The following EYS variants were observed in gnomAD, a reference collection of about 807,000 sequenced individuals.
EYS encodes protein eyes shut homolog.
Under a neutral mutation model 282.1 loss-of-function variants are expected in EYS, and 250 were observed. The ratio of observed to expected loss-of-function variants is 0.89; its 90% confidence interval spans 0.80 to 0.98. The LOEUF is 0.98. Among genes scored for constraint, EYS ranks in the 50% least tolerant of loss-of-function variants. EYS has a pLI of 0.00. For synonymous variants in EYS, 1,355 were observed against 1,282.9 expected, an observed-to-expected ratio of 1.06 and a Z score of -1.20; for missense variants, 4,016 against 3,709.0, an observed-to-expected ratio of 1.08 and a Z score of -2.15.
At chr6:64,362,436 C>G (rs1772048282) in intron 29 of EYS, among the ~76,000 whole-genome samples, 2 of 151,608 alleles carry the variant, frequency 1.3e-5, no homozygotes, top group Non-Finnish European at 1.5e-5. Flanking sequence ...TTCTTTCTTT[C>G]CAAAAGTAGA....
chr6:65,347,743 CT>C (rs1770455932), intron 9 of EYS, among the ~76,000 whole-genome samples: 1 of 151,584 alleles, frequency 6.6e-6, no homozygotes, highest in African/African-American at 2.4e-5. Flanking sequence ...CAATTATATT[CT>C]TTTAATTACT....
chr6:63,922,378 C>T (rs1368310439), intron 35 of EYS, among the ~76,000 whole-genome samples: 2 of 152,166 alleles, frequency 1.3e-5, no homozygotes, highest in East Asian at 3.9e-4. Flanking sequence ...GCCTGGCCAA[C>T]ATGGTAAAAC....
chr6:63,885,516 T>C (rs566916373), intron 35 of EYS, among the ~76,000 whole-genome samples: 1 of 152,302 alleles, frequency 6.6e-6, no homozygotes, highest in Admixed American at 6.5e-5. Flanking sequence ...TAAATATTTA[T>C]GAAGTTCTGA....
chr6:64,322,486 A>G (rs1324281620), intron 29 of EYS, among the ~76,000 whole-genome samples: 1 of 152,066 alleles, frequency 6.6e-6, no homozygotes, highest in Non-Finnish European at 1.5e-5. Context: ...ATAGGGAACT[A>G]CCACGGAAGC....
chr6:65,365,905 A>T lies in EYS; in HGVS notation c.1300-12288T>A, dbSNP rs189883481. ...TGTGGATTGCCTTATTTTTTAAATC[A>T]GTGTTTCTGTTGACTTTTGAGTACA... On this transcript the variant is annotated intron_variant, in intron 8 of 42. Coordinates refer to ENST00000503581, the MANE Select transcript of EYS (RefSeq NM_001142800.2). 1.2e-4 allele frequency among the ~76,000 whole-genome samples: 18 copies of T among 151,890 alleles called. No homozygotes were observed. The East Asian group carries it at 2.3e-3, about 20-fold the overall frequency.
At chr6:64,061,707 G>C (rs937368334) in intron 33 of EYS, among the ~76,000 whole-genome samples, 3 of 152,160 alleles carry the variant, frequency 2.0e-5, no homozygotes, top group Non-Finnish European at 2.9e-5. Flanking sequence ...GTTTTTATTA[G>C]GCTGGGCATG....
At chr6:64,474,734 A>G (rs1328130482) in intron 26 of EYS, among the ~76,000 whole-genome samples, 7 of 152,226 alleles carry the variant, frequency 4.6e-5, no homozygotes, top group Admixed American at 4.6e-4. Context: ...AAGAAGAACA[A>G]TACAGTATAT....
chr6:65,033,187 G>T (rs1188238977), intron 13 of EYS, among the ~76,000 whole-genome samples: 1 of 152,102 alleles, frequency 6.6e-6, no homozygotes, highest in East Asian at 1.9e-4. Flanking sequence ...AGAAAGAAAT[G>T]ACCCAAAGTT....
At position 64,079,713 on chromosome 6, in the gene EYS, C is replaced by T. The variant is rs984504533; in HGVS notation, c.6571+2143G>A. On this transcript the variant is annotated intron_variant, in intron 32 of 42. Coordinates refer to ENST00000503581, the MANE Select transcript of EYS (RefSeq NM_001142800.2). ...CATTAGGTATATCTCCTAATGCTAT[C>T]GCTCCCCGCTCCCCTGATACCACAA... Among the ~76,000 whole-genome samples, 7 of 152,158 alleles carry T rather than the reference C, an allele frequency of 4.6e-5. No individual in the cohort carries two copies. In the South Asian group the frequency reaches 6.2e-4, roughly 14 times the overall value.
At chr6:63,906,397 T>C (rs1353496354) in intron 35 of EYS, among the ~76,000 whole-genome samples, 1 of 152,230 alleles carries the variant, frequency 6.6e-6, no homozygotes, top group African/African-American at 2.4e-5. Flanking sequence ...GGCAGCTTAT[T>C]AGAATTTGGC....
At chr6:65,435,992 TA>T (rs1387841734) in intron 5 of EYS, among the ~76,000 whole-genome samples, 4 of 152,154 alleles carry the variant, frequency 2.6e-5, no homozygotes, top group Non-Finnish European at 4.4e-5. Flanking sequence ...GTGAAAATAT[TA>T]AATTTTAGTT....
intron 2 of EYS, among the ~76,000 whole-genome samples, chr6:65,609,313 C>T (rs1038958782): frequency 2.9e-5 from 4 of 137,024 alleles, no homozygotes; most frequent in Non-Finnish European, 6.2e-5. Flanking sequence ...ACCTGGTGTA[C>T]AACTGTACGT....
chr6:64,284,785 G>A (rs1199343557), intron 30 of EYS, among the ~76,000 whole-genome samples: 1 of 152,124 alleles, frequency 6.6e-6, no homozygotes, highest in East Asian at 1.9e-4. Flanking sequence ...AAGACTTGAG[G>A]CTTGCACCCT....
At chr6:64,206,382 A>T (rs1765608043) in intron 31 of EYS, among the ~76,000 whole-genome samples, 2 of 152,156 alleles carry the variant, frequency 1.3e-5, no homozygotes, top group African/African-American at 4.8e-5. Context: ...TTATTTTGTT[A>T]TTCAAATAAC....
At chr6:64,533,539 C>T (rs1562045854) in intron 26 of EYS, among the ~76,000 whole-genome samples, 1 of 151,886 alleles carries the variant, frequency 6.6e-6, no homozygotes, top group African/African-American at 2.4e-5. Context: ...GACACTGGAA[C>T]GAAATCTTTA....
intron 22 of EYS, among the ~76,000 whole-genome samples, chr6:64,725,559 G>C (rs1261539192): frequency 6.6e-6 from 1 of 151,996 alleles, no homozygotes; most frequent in African/African-American, 2.4e-5. Flanking sequence ...GCCCTATTAT[G>C]AATACAATAT....
chr6:64,025,037 A>G lies in EYS; in HGVS notation c.6726-25854T>C, dbSNP rs140691029. 1.3e-3 allele frequency among the ~76,000 whole-genome samples: 191 copies of G among 152,284 alleles called. 1 individual carries two copies. Among genetic ancestry groups the G allele is most frequent in the Non-Finnish European group, 1.2e-4 (8 of 68,022 alleles). On this transcript the variant is annotated intron_variant, in intron 33 of 42. Coordinates refer to ENST00000503581, the MANE Select transcript of EYS (RefSeq NM_001142800.2). ...TCGCCTATTGCCGAGCAGTGAGACA[A>G]TTGCCTATCACCAAGCAGTGAGTAC...
At chr6:64,915,757 T>G (rs1472248095) in intron 15 of EYS, among the ~76,000 whole-genome samples, 1 of 152,174 alleles carries the variant, frequency 6.6e-6, no homozygotes, top group Non-Finnish European at 1.5e-5. Flanking sequence ...AATTTGATAC[T>G]TTCAATAAAG....
intron 41 of EYS, among the ~76,000 whole-genome samples, chr6:63,730,353 A>G (rs889479450): frequency 1.3e-5 from 2 of 152,170 alleles, no homozygotes; most frequent in Admixed American, 1.3e-4. Context: ...CCTTTTGAAA[A>G]CATCAATTCA....
Sources: allele counts gnomAD v4.1 joint callset (sites outside exome capture counted in the v4.1 genomes callset), GRCh38; gene constraint gnomAD v4.1.1; transcripts MANE v1.5; gene names NCBI Gene and HGNC (gene_info 2026-07-23, HGNC 2026-07-21).